AHCTF1: variants seen among roughly 807,000 people sequenced by gnomAD.
AHCTF1 encodes AT-hook containing transcription factor 1, also known as protein ELYS.
Under a neutral mutation model 248.4 loss-of-function variants are expected in AHCTF1, and 24 were observed. The ratio of observed to expected loss-of-function variants is 0.10; its 90% CI spans 0.07 to 0.14. The LOEUF (loss-of-function observed/expected upper bound fraction) is 0.14. Among genes scored for constraint, AHCTF1 ranks in the 10% least tolerant of loss-of-function variants. AHCTF1 has a pLI of 1.00. For synonymous variants in AHCTF1, 786 were observed against 929.8 expected (o/e 0.85, Z 2.81); for missense variants, 2,206 against 2,636.2 (o/e 0.84, Z 3.57).
chr1:246,847,352 G>C (rs1660353305), intron 33 of AHCTF1, among the ~76,000 whole-genome samples: 1 of 151,418 alleles, frequency 6.6e-6, no homozygotes, highest in Non-Finnish European at 1.5e-5. Flanking sequence ...GGGGACAAAA[G>C]CAGAATATAT....
At chr1:246,919,468 C>G (rs1666368385) in intron 1 of AHCTF1, among the ~76,000 whole-genome samples, 1 of 151,856 alleles carries the variant, frequency 6.6e-6, no homozygotes, top group Admixed American at 6.6e-5. Context: ...AATCCCAGCA[C>G]TTTGGGAGGC....
chr1:246,902,059 T>C (rs543287909), intron 8 of AHCTF1, among the ~76,000 whole-genome samples: 17 of 152,202 alleles, frequency 1.1e-4, no homozygotes, highest in African/African-American at 4.1e-4. Flanking sequence ...AGCTCTGAAA[T>C]GTTAAGCAAT....
In AHCTF1 at chr1:246,840,819, C is replaced by T; in HGVS notation, c.6788G>A (p.Arg2263Lys). Residue 2263 changes from arginine (R) to lysine (K), a missense_variant, in exon 36 of 36, where the codon AGA becomes AAA. Physicochemically the swap from Arg to Lys is conservative, Grantham distance 26. This residue lies in a region of AHCTF1 where 469 missense variants were observed against 470.0 expected (regional missense o/e 1.00). Coordinates refer to ENST00000648844, the MANE Select transcript of AHCTF1 (RefSeq NM_001323342.2). ...LSSYPKQILR[R>K]KML ...CTTCCCAAGAAATTACAGCATTTTT[C>T]TGCGTAAAATTTGCTTTGGATAGGA... is the stretch of plus-strand genomic sequence containing the variant. The T allele has an allele frequency of 6.3e-7, 1 of 1,597,074 alleles. No homozygotes were observed. Among genetic ancestry groups the T allele is most frequent in the African/African-American group, 1.3e-5 (1 of 74,084 alleles).
At chr1:246,929,754 TTAAAATA>T (rs1332279005) in intron 1 of AHCTF1, among the ~76,000 whole-genome samples, 3 of 152,156 alleles carry the variant, frequency 2.0e-5, no homozygotes, top group Non-Finnish European at 4.4e-5. Flanking sequence ...TTGCTTCCTC[TTAAAATA>T]TATCTGTACC....
At chr1:246,848,271 T>C (rs1660433919) in intron 33 of AHCTF1, among the ~76,000 whole-genome samples, 1 of 152,064 alleles carries the variant, frequency 6.6e-6, no homozygotes, top group African/African-American at 2.4e-5. Context: ...TGGAATACAG[T>C]GGCACAATCT....
intron 8 of AHCTF1, among the ~76,000 whole-genome samples, chr1:246,901,477 A>G (rs1664993002): frequency 6.6e-6 from 1 of 152,196 alleles, no homozygotes; most frequent in Admixed American, 6.5e-5. Flanking sequence ...ACAAAAAATT[A>G]GCTGGGCATG....
At chr1:246,916,103 T>C in intron 3 of AHCTF1, 39 bp downstream of exon 3, 2 of 1,587,342 alleles carry the variant, frequency 1.3e-6, no homozygotes, top group Non-Finnish European at 1.7e-6. Flanking sequence ...GGGTTCAGTT[T>C]TGAAAGAGAA....
intron 21 of AHCTF1, among the ~76,000 whole-genome samples, chr1:246,879,458 G>A (rs1356875957): frequency 6.6e-6 from 1 of 152,122 alleles, no homozygotes; most frequent in Non-Finnish European, 1.5e-5. Context: ...TGTGCATTAC[G>A]TGGTTACTCA....
chr1:246,888,630 T>C, intron 17 of AHCTF1, 113 bp from the exon 18 acceptor site: 1 of 1,297,458 alleles, frequency 7.7e-7, no homozygotes, highest in South Asian at 1.5e-5. Flanking sequence ...GAGAAGAGGC[T>C]GGGCATGGTG....
intron 34 of AHCTF1, 64 bp from the exon 35 acceptor site, chr1:246,842,840 C>A: frequency 7.1e-7 from 1 of 1,417,852 alleles, no homozygotes; most frequent in Non-Finnish European, 9.9e-7. Context: ...AACTTCTATC[C>A]TGAGACAAGG....
chr1:246,851,050 T>C lies in AHCTF1; in HGVS notation c.4956A>G (p.Gln1652=), dbSNP rs764834680. 1.9e-6 allele frequency: 3 copies of C among 1,613,992 alleles called. No individual in the cohort carries two copies. The highest frequency in any genetic ancestry group is 1.1e-5 in the South Asian group (1 of 91,074). ...GCACATATGGTAAAGTGTCTACTTTTTGGGACTTTTGGTCACTAGTTACGG... is the reference window on the plus strand; with the variant it reads ...GCACATATGGTAAAGTGTCTACTTTCTGGGACTTTTGGTCACTAGTTACGG... ...PSAVTSDQKS[Q]KVDTLPYVPE... The change falls in exon 33 of 36, where the codon CAA becomes CAG. Residue 1652 remains glutamine, a synonymous_variant. Transcript: ENST00000648844.
intron 14 of AHCTF1, 59 bp from the exon 15 acceptor site, chr1:246,891,978 C>T: frequency 2.0e-6 from 3 of 1,509,798 alleles, no homozygotes; most frequent in Non-Finnish European, 2.7e-6. Flanking sequence ...AAATTAGAAT[C>T]ACAATGCAAA....
intron 31 of AHCTF1, among the ~76,000 whole-genome samples, chr1:246,854,095 C>G (rs1345395155): frequency 6.6e-6 from 1 of 151,992 alleles, no homozygotes; most frequent in Non-Finnish European, 1.5e-5. Context: ...GTCAGGAGAT[C>G]GAGACCACCC....
chr1:246,856,152 A>G (rs1053819601), intron 30 of AHCTF1, among the ~76,000 whole-genome samples: 1 of 152,238 alleles, frequency 6.6e-6, no homozygotes, highest in African/African-American at 2.4e-5. Context: ...CAGTCTTCAA[A>G]TAAGTCTGTC....
At chr1:246,892,621 T>TA (rs1394952409) in intron 14 of AHCTF1, among the ~76,000 whole-genome samples, 2 of 152,080 alleles carry the variant, frequency 1.3e-5, no homozygotes, top group South Asian at 4.1e-4. Context: ...GTGCCCGACC[T>TA]AATTTGCTTT....
intron 1 of AHCTF1, among the ~76,000 whole-genome samples, chr1:246,920,493 C>T (rs1318335329): frequency 3.9e-5 from 6 of 152,246 alleles, no homozygotes; most frequent in African/African-American, 1.2e-4. Context: ...TTAAACCAGC[C>T]GGGCGTGGTG....
rs1283164974 is a variant in AHCTF1, at chr1:246,862,158, A to G, written c.3541-5T>C. On this transcript the variant is annotated splice_polypyrimidine_tract_variant and splice_region_variant and intron_variant, in intron 27 of 35. Coordinates refer to ENST00000648844, the MANE Select transcript of AHCTF1 (RefSeq NM_001323342.2). ...CATGGCCAAACTTTTAGCTTTCTAT[A>G]GTAAAGAGCAAATGGAATTACACCA... 6 of 1,606,044 alleles carry G rather than the reference A, an allele frequency of 3.7e-6. No individual in the cohort carries two copies. The highest frequency in any genetic ancestry group is 5.1e-6 in the Non-Finnish European group (6 of 1,176,802).
intron 35 of AHCTF1, 122 bp from the exon 36 acceptor site, chr1:246,841,120 T>A: frequency 2.5e-6 from 2 of 812,252 alleles, no homozygotes; most frequent in Non-Finnish European, 3.7e-6. Context: ...ATAAAAGATG[T>A]AATGGTTTCA....
intron 26 of AHCTF1, 47 bp downstream of exon 26, chr1:246,867,193 GTAAC>G: frequency 1.1e-6 from 1 of 931,490 alleles, no homozygotes; most frequent in Non-Finnish European, 1.6e-6. Context: ...AATTACAATT[GTAAC>G]TATCATCTAA....
Sources: allele counts gnomAD v4.1 joint callset (sites outside exome capture counted in the v4.1 genomes callset), GRCh38; gene constraint gnomAD v4.1.1; regional missense constraint gnomAD v4.1.1; transcripts MANE v1.5; gene names NCBI Gene and HGNC (gene_info 2026-07-23, HGNC 2026-07-21).